Variants in PACRG observed in about 807,000 individuals in gnomAD.
PACRG encodes parkin coregulated gene protein.
Under a neutral mutation model 29.7 loss-of-function variants are expected in PACRG, and 29 were observed. That is an observed-to-expected ratio of 0.98 (90% confidence interval 0.73 to 1.33). The LOEUF (loss-of-function observed/expected upper bound fraction) is 1.33, where lower values mean the gene tolerates loss of function less well. PACRG is among the 40% of genes most tolerant of loss of function. The pLI is 0.00. For missense variants in PACRG, 279 were observed against 316.2 expected, an observed-to-expected ratio of 0.88 and a Z score of 0.89; for synonymous variants, 116 against 118.7, an observed-to-expected ratio of 0.98 and a Z score of 0.15.
intron 3 of PACRG, among the ~76,000 whole-genome samples, chr6:163,085,871 G>A (rs948727762): frequency 6.6e-5 from 10 of 152,174 alleles, no homozygotes; most frequent in African/African-American, 2.2e-4. Flanking sequence ...CAAGAGGTTG[G>A]TACCATACTT....
chr6:162,971,566 G>A (rs1801530381), intron 2 of PACRG, among the ~76,000 whole-genome samples: 1 of 152,172 alleles, frequency 6.6e-6, no homozygotes, highest in Admixed American at 6.5e-5. Context: ...GCCTCTTCTA[G>A]GATTACACAG....
intron 1 of PACRG, among the ~76,000 whole-genome samples, chr6:162,808,439 C>T (rs1786549024): frequency 6.6e-6 from 1 of 152,116 alleles, no homozygotes; most frequent in African/African-American, 2.4e-5. Flanking sequence ...CTTTTTTAAA[C>T]AGCTTCAGTT....
intron 2 of PACRG, among the ~76,000 whole-genome samples, chr6:162,898,169 A>G (rs914488826): frequency 2.6e-5 from 4 of 152,168 alleles, no homozygotes; most frequent in African/African-American, 9.7e-5. Flanking sequence ...TCTGTTCTTC[A>G]CCAGTGTAGC....
chr6:163,194,810 G>A (rs1396678164), intron 4 of PACRG, among the ~76,000 whole-genome samples: 1 of 152,120 alleles, frequency 6.6e-6, no homozygotes, highest in African/African-American at 2.4e-5. Context: ...GTTGAGACTG[G>A]AGTGCAATGC....
chr6:163,117,623 A>C lies in PACRG; in HGVS notation c.613+28215A>C, dbSNP rs543999893. 2.0e-5 allele frequency among the ~76,000 whole-genome samples: 3 copies of C among 151,950 alleles called. No homozygotes were observed. In the South Asian group the frequency reaches 6.2e-4, roughly 32 times the overall value. On this transcript the variant is annotated intron_variant, in intron 4 of 4. Coordinates refer to ENST00000366888, the MANE Select transcript of PACRG (RefSeq NM_001080379.2). Reference sequence around the variant, plus strand: ...AAAATGAGCTGGGCTTGGTGGTGGGAACCTGTAATCCCAGCTACTCAGGAG... The same window carrying C: ...AAAATGAGCTGGGCTTGGTGGTGGGCACCTGTAATCCCAGCTACTCAGGAG...
At chr6:163,045,931 C>G (rs1162642108) in intron 2 of PACRG, among the ~76,000 whole-genome samples, 1 of 152,024 alleles carries the variant, frequency 6.6e-6, no homozygotes, top group Non-Finnish European at 1.5e-5. Flanking sequence ...ATGATTCTAC[C>G]CCAAGATGTT....
intron 2 of PACRG, among the ~76,000 whole-genome samples, chr6:162,945,239 C>T (rs1798919178): frequency 6.6e-6 from 1 of 151,862 alleles, no homozygotes; most frequent in Non-Finnish European, 1.5e-5. Flanking sequence ...AATACATAAC[C>T]CAACTGTATG....
At chr6:163,014,879 T>C (rs1166844589) in intron 2 of PACRG, among the ~76,000 whole-genome samples, 2 of 152,168 alleles carry the variant, frequency 1.3e-5, no homozygotes. Context: ...GTTTTTGTTT[T>C]TGTTGCAATT....
chr6:163,182,258 T>C (rs1779709541), intron 4 of PACRG, among the ~76,000 whole-genome samples: 1 of 152,232 alleles, frequency 6.6e-6, no homozygotes, highest in Admixed American at 6.5e-5. Flanking sequence ...TGCAAATTTG[T>C]GTTCATAAAA....
chr6:162,803,262 T>C (rs1297432606), intron 1 of PACRG, among the ~76,000 whole-genome samples: 2 of 152,094 alleles, frequency 1.3e-5, no homozygotes, highest in Non-Finnish European at 1.5e-5. Context: ...TACAGGCTGA[T>C]GGAAAATCAT....
intron 4 of PACRG, among the ~76,000 whole-genome samples, chr6:163,180,890 T>G (rs554520005): frequency 1.2e-4 from 18 of 152,344 alleles, no homozygotes; most frequent in African/African-American, 3.6e-4. Flanking sequence ...TGTGTGTGTT[T>G]CACCCGCTTG....
At chr6:162,899,419 C>T (rs147553405) in intron 2 of PACRG, among the ~76,000 whole-genome samples, 2 of 152,232 alleles carry the variant, frequency 1.3e-5, no homozygotes, top group Admixed American at 6.5e-5. Flanking sequence ...GTGTGGCTAC[C>T]GCTTCGGCAC....
In PACRG at chr6:163,092,102, G is replaced by A. The variant is rs938967241; in HGVS notation, c.613+2694G>A. On this transcript the variant is annotated intron_variant, in intron 4 of 4. Transcript: ENST00000366888. ...CAAAATTCTTTTTAGAATGAGACCA[G>A]ATACAAATGACAAAAAAGAATGAGA... Among the ~76,000 whole-genome samples the A allele has an allele frequency of 3.3e-5, 5 of 152,214 alleles. No homozygotes were observed. The South Asian group carries it at 8.3e-4, about 25-fold the overall frequency.
At chr6:162,950,853 A>G (rs935006219) in intron 2 of PACRG, among the ~76,000 whole-genome samples, 1 of 152,244 alleles carries the variant, frequency 6.6e-6, no homozygotes, top group African/African-American at 2.4e-5. Context: ...GCCTAGACAG[A>G]GTGGACAAGA....
chr6:162,838,418 A>G (rs1789435847), intron 2 of PACRG, among the ~76,000 whole-genome samples: 1 of 152,140 alleles, frequency 6.6e-6, no homozygotes, highest in Non-Finnish European at 1.5e-5. Flanking sequence ...TAGAGGTTCC[A>G]TTCTTCACTT....
chr6:162,845,475 G>A (rs1790286846), intron 2 of PACRG, among the ~76,000 whole-genome samples: 1 of 151,700 alleles, frequency 6.6e-6, no homozygotes, highest in South Asian at 2.1e-4. Flanking sequence ...TTACTGGACA[G>A]ATAAAATATT....
chr6:162,911,401 C>T (rs1425033636), intron 2 of PACRG, among the ~76,000 whole-genome samples: 1 of 152,202 alleles, frequency 6.6e-6, no homozygotes, highest in African/African-American at 2.4e-5. Flanking sequence ...CCTCCTATTA[C>T]CAAAAATAAA....
chr6:163,313,979 CT>C (rs1785543220), intron 4 of PACRG: 1 of 152,228 alleles, frequency 6.6e-6, no homozygotes, highest in South Asian at 2.1e-4. Context: ...ACTCCTGCAG[CT>C]TGGATACAAT....
At chr6:162,727,638 T>C, upstream of PACRG, 3 of 1,583,152 alleles carry the variant, frequency 1.9e-6, no homozygotes, top group South Asian at 2.3e-5. Context: ...GCAGAGAGGC[T>C]GTACCTGGCA....
Sources: gnomAD v4.1 joint callset for allele counts (sites outside exome capture counted in the v4.1 genomes callset) on GRCh38, gnomAD v4.1.1 for gene constraint, MANE v1.5 for transcripts, NCBI Gene and HGNC (gene_info 2026-07-23, HGNC 2026-07-21) for gene names.